KCTD8: variants seen among roughly 807,000 people sequenced by gnomAD.
The protein encoded by KCTD8 is BTB/POZ domain-containing protein KCTD8.
Under a neutral mutation model 31.5 loss-of-function variants are expected in KCTD8, and 27 were observed. The observed-to-expected ratio is 0.86, with a 90% confidence interval of 0.63 to 1.18. KCTD8 has a LOEUF of 1.18. Among genes scored for constraint, KCTD8 ranks in the 50% most tolerant of loss-of-function variants. The probability of loss-of-function intolerance (pLI) is 0.00; values close to 1 mark genes in which losing one functional copy is unlikely to be tolerated. For missense variants in KCTD8, 658 were observed against 647.7 expected, an observed-to-expected ratio of 1.02 and a Z score of -0.17; for synonymous variants, 290 against 280.0, an observed-to-expected ratio of 1.04 and a Z score of -0.36.
At chr4:44,384,849 C>G (rs76444664) in intron 1 of KCTD8, among the ~76,000 whole-genome samples, 10,153 of 151,604 alleles carry the variant, frequency 0.067, 421 homozygotes, top group South Asian at 0.11. Flanking sequence ...CTAATTACCC[C>G]AATTTTATCA....
intron 1 of KCTD8, among the ~76,000 whole-genome samples, chr4:44,213,146 C>G (rs2109344433): frequency 6.6e-6 from 1 of 152,192 alleles, no homozygotes; most frequent in East Asian, 1.9e-4. Context: ...CCATCTTAGC[C>G]AGGATGGTCT....
intron 1 of KCTD8, among the ~76,000 whole-genome samples, chr4:44,409,499 A>G (rs962459962): frequency 6.6e-6 from 1 of 152,102 alleles, no homozygotes; most frequent in African/African-American, 2.4e-5. Flanking sequence ...CCTTATTTGG[A>G]GAAATTATGA....
At chr4:44,223,010 C>A (rs1194287928) in intron 1 of KCTD8, among the ~76,000 whole-genome samples, 1 of 151,804 alleles carries the variant, frequency 6.6e-6, no homozygotes, top group Non-Finnish European at 1.5e-5. Flanking sequence ...TAGTGCTAAC[C>A]AAAAAAGTAA....
At chr4:44,186,723 G>C (rs777115860) in intron 1 of KCTD8, among the ~76,000 whole-genome samples, 2 of 152,196 alleles carry the variant, frequency 1.3e-5, no homozygotes, top group Admixed American at 6.5e-5. Flanking sequence ...CTGCCAGGGG[G>C]ACAAGGGAAT....
chr4:44,353,240 T>C (rs112716557), intron 1 of KCTD8, among the ~76,000 whole-genome samples: 7 of 152,242 alleles, frequency 4.6e-5, no homozygotes, highest in Non-Finnish European at 1.0e-4. Flanking sequence ...CTTCATTTGG[T>C]CAACATAAAA....
At chr4:44,427,937 T>A (rs1226671423) in intron 1 of KCTD8, among the ~76,000 whole-genome samples, 1 of 151,920 alleles carries the variant, frequency 6.6e-6, no homozygotes, top group Admixed American at 6.6e-5. Flanking sequence ...AATAAAACTA[T>A]GAAGTTAATA....
chr4:44,368,980 G>C (rs1490129801), intron 1 of KCTD8, among the ~76,000 whole-genome samples: 1 of 152,110 alleles, frequency 6.6e-6, no homozygotes, highest in African/African-American at 2.4e-5. Context: ...AGTTGTTTCT[G>C]TCCTTTTTTT....
At chr4:44,436,790 TA>T (rs745664185) in intron 1 of KCTD8, among the ~76,000 whole-genome samples, 10 of 151,940 alleles carry the variant, frequency 6.6e-5, no homozygotes, top group East Asian at 3.9e-4. Context: ...CTAGAAACTT[TA>T]AAAAAAATGA....
At chr4:44,345,066 G>A (rs966461274) in intron 1 of KCTD8, among the ~76,000 whole-genome samples, 1 of 152,016 alleles carries the variant, frequency 6.6e-6, no homozygotes, top group Non-Finnish European at 1.5e-5. Context: ...AACTACTTTA[G>A]TATGTTTCTC....
At chr4:44,198,466 GAAAC>G (rs1714014961) in intron 1 of KCTD8, among the ~76,000 whole-genome samples, 1 of 152,112 alleles carries the variant, frequency 6.6e-6, no homozygotes, top group South Asian at 2.1e-4. Context: ...CCTCTCAGCA[GAAAC>G]CTCACAAGTC....
intron 1 of KCTD8, among the ~76,000 whole-genome samples, chr4:44,441,653 T>C (rs1424655965): frequency 6.6e-6 from 1 of 152,184 alleles, no homozygotes; most frequent in Non-Finnish European, 1.5e-5. Flanking sequence ...AGCTCAGCCC[T>C]ATACAAGCTC....
chr4:44,431,829 T>A (rs543643644), intron 1 of KCTD8, among the ~76,000 whole-genome samples: 3 of 151,696 alleles, frequency 2.0e-5, no homozygotes, highest in South Asian at 4.1e-4. Context: ...GATTTGTAAT[T>A]TTTTATTATT....
At chr4:44,436,596 T>C (rs1360788052) in intron 1 of KCTD8, among the ~76,000 whole-genome samples, 1 of 152,158 alleles carries the variant, frequency 6.6e-6, no homozygotes, top group Non-Finnish European at 1.5e-5. Flanking sequence ...GTTATGTTTT[T>C]AAATATGCAT....
intron 1 of KCTD8, among the ~76,000 whole-genome samples, chr4:44,192,083 G>A (rs1279203488): frequency 6.6e-6 from 1 of 152,126 alleles, no homozygotes; most frequent in Non-Finnish European, 1.5e-5. Context: ...TCTCAGACTG[G>A]CCGACACTTA....
At chr4:44,360,346 AG>A (rs1174111276) in intron 1 of KCTD8, among the ~76,000 whole-genome samples, 1 of 152,076 alleles carries the variant, frequency 6.6e-6, no homozygotes, top group East Asian at 1.9e-4. Context: ...TTACACACTT[AG>A]TACATATGAT....
chr4:44,366,182 A>T (rs984089390), intron 1 of KCTD8, among the ~76,000 whole-genome samples: 3 of 152,158 alleles, frequency 2.0e-5, no homozygotes, highest in African/African-American at 7.2e-5. Context: ...TAAAACAAGT[A>T]CCCAAGCAAA....
At chr4:44,373,626 A>C (rs1719846619) in intron 1 of KCTD8, among the ~76,000 whole-genome samples, 1 of 152,184 alleles carries the variant, frequency 6.6e-6, no homozygotes, top group Non-Finnish European at 1.5e-5. Context: ...GTTTTTAATT[A>C]TTTTTAATCA....
chr4:44,295,138 AAAT>A (rs1717391647), intron 1 of KCTD8, among the ~76,000 whole-genome samples: 2 of 151,984 alleles, frequency 1.3e-5, no homozygotes, highest in African/African-American at 2.4e-5. Context: ...ATATTTTAAA[AAAT>A]AATAATTAGC....
chr4:44,330,920 G>C (rs1378837832), intron 1 of KCTD8, among the ~76,000 whole-genome samples: 3 of 151,746 alleles, frequency 2.0e-5, no homozygotes, highest in Non-Finnish European at 4.4e-5. Flanking sequence ...CAGTTTCCCA[G>C]AGAAGATATG....
Sources: allele counts gnomAD v4.1 joint callset (sites outside exome capture counted in the v4.1 genomes callset), GRCh38; gene constraint gnomAD v4.1.1; transcripts MANE v1.5; gene names NCBI Gene and HGNC (gene_info 2026-07-23, HGNC 2026-07-21).